ENAH: variants seen among roughly 807,000 people sequenced by gnomAD.
ENAH encodes the protein ENAH actin regulator.
A neutral mutation model predicts 78.7 loss-of-function variants in ENAH; 23 were observed. That is an observed-to-expected ratio of 0.29 (90% CI 0.21 to 0.41). ENAH has a LOEUF of 0.41. ENAH is among the 10% of genes least tolerant of loss of function. The probability of loss-of-function intolerance (pLI) is 1.00; values close to 1 mark genes in which losing one functional copy is unlikely to be tolerated. For missense variants in ENAH, 544 were observed against 691.0 expected (o/e 0.79, Z 2.39); for synonymous variants, 226 against 241.0 (o/e 0.94, Z 0.58).
In ENAH at chr1:225,552,134, C is replaced by CTTT. The variant is rs397983036; in HGVS notation, c.349+2769_349+2771dup. ...TCTATTCCCAAGAACACTCCTGATTCTTTTTTTTTTTTTTTTTTTTGAGAC... is the reference window on the plus strand; with the variant it reads ...TCTATTCCCAAGAACACTCCTGATTCTTTTTTTTTTTTTTTTTTTTTTTGAGAC... On this transcript the variant is annotated intron_variant, in intron 3 of 13. Coordinates refer to ENST00000366843, the MANE Select transcript of ENAH (RefSeq NM_018212.6). 5.2e-3 allele frequency among the ~76,000 whole-genome samples: 606 copies of CTTT among 115,860 alleles called. 27 individuals are homozygous for CTTT. The highest frequency in any genetic ancestry group is 0.014 in the African/African-American group (424 of 30,562). 76.0% of individuals were successfully genotyped at this position (115,860 alleles called of 152,430 possible).
chr1:225,519,224 T>C lies in ENAH; in HGVS notation c.776A>G (p.Glu259Gly), dbSNP rs201871225. The change falls in exon 5 of 14, where the codon GAG becomes GGG. Residue 259 changes from glutamate to glycine, a missense_variant. By Grantham distance (98) the Glu-to-Gly change is moderately conservative. Transcript: ENST00000366843. ...EQLEREQLEW[E>G]RERRISSAAA... ...AGCACTTGATATTCTGCGCTCTCTC[T>C]CCCATTCCAGCTGTTCCCTTTCTAA... 1.7e-5 allele frequency: 28 copies of C among 1,614,064 alleles called. 1 individual carries two copies. Among genetic ancestry groups the C allele is most frequent in the Non-Finnish European group, 1.9e-5 (23 of 1,180,020 alleles).
intron 10 of ENAH, among the ~76,000 whole-genome samples, chr1:225,510,849 CA>C (rs1307468146): frequency 6.6e-6 from 1 of 151,424 alleles, no homozygotes; most frequent in Non-Finnish European, 1.5e-5. Context: ...CTGTCTCTAC[CA>C]AAAATCCAAA....
intron 1 of ENAH, among the ~76,000 whole-genome samples, chr1:225,616,294 C>G (rs561374128): frequency 7.3e-5 from 11 of 151,256 alleles, no homozygotes; most frequent in African/African-American, 2.7e-4. Context: ...GCCAAATCCC[C>G]CCTCCGAGAA....
At chr1:225,609,930 C>T (rs2096979176) in intron 1 of ENAH, among the ~76,000 whole-genome samples, 1 of 152,016 alleles carries the variant, frequency 6.6e-6, no homozygotes, top group Admixed American at 6.6e-5. Flanking sequence ...TCCCAAAGTG[C>T]TGGGATTACA....
intron 1 of ENAH, among the ~76,000 whole-genome samples, chr1:225,592,094 G>C (rs2096879973): frequency 6.6e-6 from 1 of 152,136 alleles, no homozygotes; most frequent in Non-Finnish European, 1.5e-5. Flanking sequence ...GCACATGTTA[G>C]GTACTCAGCG....
chr1:225,543,960 T>C (rs754386845), intron 3 of ENAH, among the ~76,000 whole-genome samples: 60 of 152,150 alleles, frequency 3.9e-4, no homozygotes, highest in Admixed American at 2.0e-4. Context: ...AATATGCACA[T>C]GGGCGACCTG....
chr1:225,639,655 C>G (rs371063375), intron 1 of ENAH, among the ~76,000 whole-genome samples: 7 of 151,770 alleles, frequency 4.6e-5, no homozygotes, highest in Admixed American at 2.0e-4. Flanking sequence ...ATAAATTACC[C>G]AGTCTGTGGT....
At chr1:225,519,153 C>G in intron 5 of ENAH, 45 bp downstream of exon 5, 1 of 1,594,824 alleles carries the variant, frequency 6.3e-7, no homozygotes, top group Non-Finnish European at 8.6e-7. Context: ...GAGACATCAT[C>G]CAAGCTCAGA....
At chr1:225,593,132 A>T (rs2096885040) in intron 1 of ENAH, among the ~76,000 whole-genome samples, 1 of 152,150 alleles carries the variant, frequency 6.6e-6, no homozygotes, top group South Asian at 2.1e-4. Context: ...AAAGATTGAT[A>T]AGAGATGGCA....
At chr1:225,551,265 T>C (rs1400489183) in intron 3 of ENAH, among the ~76,000 whole-genome samples, 1 of 152,100 alleles carries the variant, frequency 6.6e-6, no homozygotes, top group Non-Finnish European at 1.5e-5. Flanking sequence ...TTCCAGTATA[T>C]TAGATAATTG....
intron 11 of ENAH, chr1:225,505,057 T>C (rs2151070471): frequency 6.2e-7 from 1 of 1,608,630 alleles, no homozygotes; most frequent in South Asian, 1.1e-5. Flanking sequence ...ATCCCGTCTA[T>C]GAAGGGGAAA....
intron 1 of ENAH, 116 bp downstream of exon 1, chr1:225,652,570 G>A (rs1663230805): frequency 1.8e-6 from 2 of 1,098,848 alleles, no homozygotes; most frequent in East Asian, 3.2e-5. Context: ...GGAACAGACC[G>A]GAGACCAGGG....
At chr1:225,610,998 T>C (rs2096985273) in intron 1 of ENAH, among the ~76,000 whole-genome samples, 1 of 152,238 alleles carries the variant, frequency 6.6e-6, no homozygotes, top group African/African-American at 2.4e-5. Flanking sequence ...ATATGTTCTA[T>C]GTGATTCTAT....
At chr1:225,652,509 G>T in intron 1 of ENAH, 177 bp downstream of exon 1, 1 of 852,960 alleles carries the variant, frequency 1.2e-6, no homozygotes. Context: ...GGGTTGGGGA[G>T]GTTTCCAAGA....
chr1:225,589,172 T>C (rs190852910), intron 1 of ENAH, among the ~76,000 whole-genome samples: 178 of 152,246 alleles, frequency 1.2e-3, no homozygotes, highest in African/African-American at 3.8e-3. Context: ...AGGAGTGACA[T>C]GGGAAGGAGC....
At chr1:225,508,124 AAT>A (rs1455312862) in intron 10 of ENAH, 107 bp from the exon 11 acceptor site, 2 of 565,918 alleles carry the variant, frequency 3.5e-6, no homozygotes, top group East Asian at 7.0e-5. Flanking sequence ...ACATAGTAGT[AAT>A]ATAAATAAAA....
chr1:225,562,131 C>T (rs2096709259), intron 2 of ENAH, among the ~76,000 whole-genome samples: 1 of 151,960 alleles, frequency 6.6e-6, no homozygotes, highest in African/African-American at 2.4e-5. Flanking sequence ...CCATGGTAGT[C>T]AGGCTCTTCT....
At chr1:225,577,345 A>C (rs1024624490) in intron 1 of ENAH, among the ~76,000 whole-genome samples, 1 of 152,202 alleles carries the variant, frequency 6.6e-6, no homozygotes, top group African/African-American at 2.4e-5. Flanking sequence ...TGCTAGTTAC[A>C]ATTCGGTTCT....
intron 1 of ENAH, among the ~76,000 whole-genome samples, chr1:225,633,547 G>A (rs750047899): frequency 1.3e-5 from 2 of 152,166 alleles, no homozygotes; most frequent in African/African-American, 2.4e-5. Context: ...GAGTTACGCA[G>A]GACTTAGATC....
Sources: allele counts gnomAD v4.1 joint callset (sites outside exome capture counted in the v4.1 genomes callset), GRCh38; gene constraint gnomAD v4.1.1; transcripts MANE v1.5; gene names NCBI Gene and HGNC (gene_info 2026-07-23, HGNC 2026-07-21).